TMEM132C: variants seen among roughly 807,000 people sequenced by gnomAD.
TMEM132C encodes protein phosphatase 1, regulatory subunit 152.
A neutral mutation model predicts 61.4 loss-of-function variants in TMEM132C; 29 were observed. The observed-to-expected ratio is 0.47, with a 90% CI of 0.35 to 0.64. The LOEUF is 0.64. TMEM132C is among the 30% of genes least tolerant of loss of function. The pLI, the probability that TMEM132C is intolerant of heterozygous loss-of-function variation, is 0.00. For synonymous variants in TMEM132C, 656 were observed against 633.1 expected (o/e 1.04, Z -0.54); for missense variants, 1,408 against 1,476.9 (o/e 0.95, Z 0.76).
intron 3 of TMEM132C, among the ~76,000 whole-genome samples, chr12:128,551,216 C>A (rs556893684): frequency 6.8e-4 from 98 of 144,356 alleles, no homozygotes; most frequent in Admixed American, 1.9e-3. Flanking sequence ...AGAGCCCCCC[C>A]CCTCCCGCTT....
At chr12:128,302,167 T>C (rs1871620109) in intron 1 of TMEM132C, among the ~76,000 whole-genome samples, 1 of 152,224 alleles carries the variant, frequency 6.6e-6, no homozygotes, top group African/African-American at 2.4e-5. Context: ...CACTCACCTT[T>C]GTGCCTGACA....
chr12:128,544,132 G>A (rs1318164275), intron 3 of TMEM132C, 29 bp downstream of exon 3: 3 of 1,480,044 alleles, frequency 2.0e-6, no homozygotes, highest in African/African-American at 2.8e-5. Flanking sequence ...GCAAGCGTGT[G>A]TGGTTCCTGG....
chr12:128,404,881 C>T (rs927834353), intron 1 of TMEM132C: 2 of 152,136 alleles, frequency 1.3e-5, no homozygotes, highest in Non-Finnish European at 2.9e-5. Context: ...TAGAGTTCTC[C>T]GATGAACAAC....
intron 2 of TMEM132C, among the ~76,000 whole-genome samples, chr12:128,418,243 G>A (rs974829975): frequency 2.6e-5 from 4 of 152,132 alleles, no homozygotes; most frequent in Admixed American, 6.5e-5. Context: ...CAGGCGTGTC[G>A]GAATTCAACG....
intron 2 of TMEM132C, among the ~76,000 whole-genome samples, chr12:128,449,011 C>T (rs906227642): frequency 6.6e-6 from 1 of 151,736 alleles, no homozygotes; most frequent in African/African-American, 2.4e-5. Context: ...GTGGCGGGCA[C>T]CTGTAGTCCC....
intron 2 of TMEM132C, among the ~76,000 whole-genome samples, chr12:128,441,322 G>A (rs1303906861): frequency 6.6e-6 from 1 of 152,132 alleles, no homozygotes; most frequent in East Asian, 1.9e-4. Flanking sequence ...GACCTCTGTG[G>A]GCCTGTCCAG....
intron 2 of TMEM132C, among the ~76,000 whole-genome samples, chr12:128,464,587 C>G (rs1393189310): frequency 6.6e-6 from 1 of 152,082 alleles, no homozygotes; most frequent in Non-Finnish European, 1.5e-5. Context: ...ACCCCCATCT[C>G]TATAAAAAAT....
At chr12:128,541,276 C>T (rs1873741102) in intron 2 of TMEM132C, among the ~76,000 whole-genome samples, 1 of 152,198 alleles carries the variant, frequency 6.6e-6, no homozygotes, top group Non-Finnish European at 1.5e-5. Flanking sequence ...AGGGACACCA[C>T]CTTCCAGGAA....
chr12:128,600,634 G>A lies in TMEM132C; in HGVS notation c.1122-15518G>A, dbSNP rs574719409. On this transcript the variant is annotated intron_variant, in intron 3 of 8. Transcript: ENST00000435159. ...CAAGAGCAGAGCAGCCCCAAGACTT[G>A]CTGCCTTCCAATGCACTCTGGTCAG... Among the ~76,000 whole-genome samples, 226 of 152,278 alleles carry A rather than the reference G, an allele frequency of 1.5e-3. 3 individuals carry two copies. The highest frequency in any genetic ancestry group is 0.01 in the Middle Eastern group (3 of 294).
At chr12:128,317,495 G>T (rs768181647) in intron 1 of TMEM132C, among the ~76,000 whole-genome samples, 34 of 152,212 alleles carry the variant, frequency 2.2e-4, no homozygotes, top group Non-Finnish European at 4.3e-4. Context: ...AAGCTGAAAA[G>T]AAAGTTTGAT....
rs1364637923 is a variant in TMEM132C at position 128,447,894 on chromosome 12, T to A, written c.974+32274T>A. On this transcript the variant is annotated intron_variant, in intron 2 of 8. Coordinates refer to ENST00000435159, the MANE Select transcript of TMEM132C (RefSeq NM_001136103.3). Reference sequence around the variant, plus strand: ...GGCGCCCGCCACCGCGCCCGGCTAATTTTTTGTATTTTTAGTAGAGACGGG... The same window carrying A: ...GGCGCCCGCCACCGCGCCCGGCTAAATTTTTGTATTTTTAGTAGAGACGGG... Among the ~76,000 whole-genome samples, 3 of 102,584 alleles carry A rather than the reference T, an allele frequency of 2.9e-5. 1 individual carries two copies. The highest frequency in any genetic ancestry group is 5.9e-5 in the Non-Finnish European group (3 of 51,082). 67.3% of individuals were successfully genotyped at this position (102,584 alleles called of 152,430 possible). A position where few individuals can be genotyped will look rare whatever the true frequency, so the allele number is the denominator to read the frequency against.
chr12:128,501,587 C>T (rs575378642), intron 2 of TMEM132C, among the ~76,000 whole-genome samples: 278 of 152,252 alleles, frequency 1.8e-3, no homozygotes, highest in South Asian at 2.9e-3. Flanking sequence ...TGGGCTGTGA[C>T]GTGCTCTACC....
chr12:128,426,966 G>T (rs958442034), intron 2 of TMEM132C, among the ~76,000 whole-genome samples: 1 of 152,120 alleles, frequency 6.6e-6, no homozygotes, highest in Non-Finnish European at 1.5e-5. Context: ...ATGAATTAGT[G>T]GACCTGTGAC....
At chr12:128,514,223 A>C (rs374132842) in intron 2 of TMEM132C, among the ~76,000 whole-genome samples, 8 of 152,350 alleles carry the variant, frequency 5.3e-5, no homozygotes, top group African/African-American at 1.7e-4. Flanking sequence ...TTGTAAGTGG[A>C]TAGTTCAAAA....
At chr12:128,514,080 G>A (rs1215058554) in intron 2 of TMEM132C, among the ~76,000 whole-genome samples, 1 of 152,216 alleles carries the variant, frequency 6.6e-6, no homozygotes, top group Non-Finnish European at 1.5e-5. Context: ...CCAGCAGCCT[G>A]TCCAGCTCCC....
At chr12:128,376,295 G>T (rs968464670) in intron 1 of TMEM132C, among the ~76,000 whole-genome samples, 3 of 152,144 alleles carry the variant, frequency 2.0e-5, no homozygotes, top group African/African-American at 7.2e-5. Context: ...AGGTCTCAGG[G>T]TCCAAATTTT....
chr12:128,435,762 C>T (rs11059695), intron 2 of TMEM132C, among the ~76,000 whole-genome samples: 39,819 of 152,096 alleles, frequency 0.26, 6,483 homozygotes, highest in Non-Finnish European at 0.34. Context: ...CATCAAGCTA[C>T]CAATTACTTT....
At chr12:128,392,564 G>C (rs2136001098) in intron 1 of TMEM132C, among the ~76,000 whole-genome samples, 1 of 152,292 alleles carries the variant, frequency 6.6e-6, no homozygotes, top group Non-Finnish European at 1.5e-5. Flanking sequence ...AGGAGACACA[G>C]GGAGAAGGAA....
intron 1 of TMEM132C, among the ~76,000 whole-genome samples, chr12:128,309,004 G>T (rs1871881077): frequency 6.6e-6 from 1 of 152,092 alleles, no homozygotes; most frequent in Non-Finnish European, 1.5e-5. Context: ...GAGTTTTTGG[G>T]GATATTTGGG....
Sources: gnomAD v4.1 joint callset for allele counts (sites outside exome capture counted in the v4.1 genomes callset) on GRCh38, gnomAD v4.1.1 for gene constraint, MANE v1.5 for transcripts, NCBI Gene and HGNC (gene_info 2026-07-23, HGNC 2026-07-21) for gene names.